The following ITGAV variants were observed in gnomAD, a reference collection of about 807,000 sequenced individuals.
The protein encoded by ITGAV is integrin subunit alpha V.
In ITGAV, 76 loss-of-function variants were observed where a neutral mutation model predicts 143.8. The ratio of observed to expected loss-of-function variants is 0.53; its 90% CI spans 0.44 to 0.64. The LOEUF (loss-of-function observed/expected upper bound fraction) is 0.64, where lower values mean the gene tolerates loss of function less well. Ranked by LOEUF, ITGAV falls within the 30% of genes least tolerant of loss-of-function variation. ITGAV has a pLI of 0.00. For synonymous variants in ITGAV, 453 were observed against 446.7 expected (o/e 1.01, Z -0.18); for missense variants, 1,193 against 1,274.7 (o/e 0.94, Z 0.98).
Position 186,590,381 on chromosome 2 carries a change from G to A in ITGAV, c.43G>A (p.Gly15Ser), listed in dbSNP as rs1275639587. 3.1e-6 allele frequency: 5 copies of A among 1,596,084 alleles called. No individual in the cohort carries two copies. The African/African-American group carries it at 5.5e-5, about 17-fold the overall frequency. The change falls in exon 1 of 30, where the codon GGC (glycine) becomes AGC (serine). Residue 15 changes from glycine (G) to serine (S), a missense_variant. Physicochemically the swap from Gly to Ser is moderately conservative, Grantham distance 56. Coordinates refer to ENST00000261023, the MANE Select transcript of ITGAV (RefSeq NM_002210.5). Reference protein sequence around the residue: ...PRRRLRLGPRGLPLLLSGLLL... With the variant: ...PRRRLRLGPRSLPLLLSGLLL... Reference sequence around the variant, plus strand: ...GCGACGGCTGCGCCTCGGTCCCCGCGGCCTCCCGCTTCTTCTCTCGGGACT... The same window carrying A: ...GCGACGGCTGCGCCTCGGTCCCCGCAGCCTCCCGCTTCTTCTCTCGGGACT...
chr2:186,677,995 C>CA lies in ITGAV; in HGVS notation c.*705dup, dbSNP rs2105758045. 6.6e-6 allele frequency: 1 copy of CA among 152,092 alleles called. No individual in the cohort carries two copies. Among genetic ancestry groups the CA allele is most frequent in the East Asian group, 1.9e-4 (1 of 5,186 alleles). 9.4% of individuals were successfully genotyped at this position (152,092 alleles called of 1,614,324 possible). A position where few individuals can be genotyped will look rare whatever the true frequency, so the allele number is the denominator to read the frequency against. On this transcript the variant is annotated 3_prime_UTR_variant, in exon 30 of 30. Coordinates refer to ENST00000261023, the MANE Select transcript of ITGAV (RefSeq NM_002210.5). ...AAATTTTAGGTCAAATCCTTCAAGCCAACCTATACTAAAAATTAGTTCCAT... is the reference window on the plus strand; with the variant it reads ...AAATTTTAGGTCAAATCCTTCAAGCCAAACCTATACTAAAAATTAGTTCCAT...
intron 26 of ITGAV, among the ~76,000 whole-genome samples, chr2:186,673,121 T>C (rs1024994635): frequency 6.6e-6 from 1 of 152,232 alleles, no homozygotes; most frequent in Non-Finnish European, 1.5e-5. Context: ...GGGTCCAGAT[T>C]GATTCTTTTG....
Position 186,659,120 on chromosome 2 carries a change from C to G in ITGAV, c.1802C>G (p.Thr601Arg), listed in dbSNP as rs1363988503. 1.2e-6 allele frequency: 2 copies of G among 1,612,710 alleles called. No homozygotes were observed. Among genetic ancestry groups the G allele is most frequent in the Non-Finnish European group, 8.5e-7 (1 of 1,179,032 alleles). Residue 601 changes from threonine (T) to arginine (R), a missense_variant, in exon 18 of 30, where the codon ACA becomes AGA. By Grantham distance (71) the Thr-to-Arg change is moderately conservative. Transcript: ENST00000261023. ...YRLDYRTAAD[T>R]TGLQPILNQF... ...TTGGATTATAGAACAGCTGCTGATA[C>G]AACAGGCTTGCAACCCATTCTTAAC...
chr2:186,615,061 T>C (rs1441935340), intron 2 of ITGAV, among the ~76,000 whole-genome samples: 1 of 152,122 alleles, frequency 6.6e-6, no homozygotes, highest in Admixed American at 6.5e-5. Flanking sequence ...TTTCTGTGTC[T>C]ACATATTTTT....
rs1688109205 is a variant in ITGAV at position 186,641,727 on chromosome 2, C to G, written c.1159+139C>G. 3 of 643,528 alleles carry G rather than the reference C, an allele frequency of 4.7e-6. No homozygotes were observed. The East Asian group carries it at 8.1e-5, about 17-fold the overall frequency. 39.9% of individuals were successfully genotyped at this position (643,528 alleles called of 1,614,324 possible). ...GATTGTGTGTAAGTGAGTAACACAC[C>G]AAATTTAAAGACAGTTTGCTATTTT... is the stretch of plus-strand genomic sequence containing the variant. On this transcript the variant is annotated intron_variant, in intron 12 of 29. Transcript: ENST00000261023.
Position 186,668,894 on chromosome 2 carries a change from A to G in ITGAV, c.2566A>G (p.Met856Val), listed in dbSNP as rs779007178. 41 of 1,611,776 alleles carry G rather than the reference A, an allele frequency of 2.5e-5. No homozygotes were observed. Among genetic ancestry groups the G allele is most frequent in the Non-Finnish European group, 3.3e-5 (39 of 1,179,128 alleles). ...TGGACCAATGAACTGCACTTCAGAT[A>G]TGGAGATCAACCCTTTGAGAATTAA... is the stretch of plus-strand genomic sequence containing the variant. ...IDGPMNCTSD[M>V]EINPLRIKIS... The change falls in exon 25 of 30, where the codon ATG becomes GTG. Residue 856 changes from methionine to valine, a missense_variant. By Grantham distance (21) the Met-to-Val change is conservative. Transcript: ENST00000261023.
rs367848976 is a variant in ITGAV, at chr2:186,599,111, G to C, written c.186-2910G>C. 2.6e-5 allele frequency among the ~76,000 whole-genome samples: 4 copies of C among 152,290 alleles called. No individual in the cohort carries two copies. The South Asian group carries it at 6.2e-4, about 24-fold the overall frequency. On this transcript the variant is annotated intron_variant, in intron 1 of 29. Transcript: ENST00000261023. ...AAAAAGGTGAAAAGCAATTGTAAAT[G>C]TTTCCTTTGCCAGAATAATTTAAGT...
chr2:186,618,577 A>G lies in ITGAV; in HGVS notation c.317-3762A>G, dbSNP rs1477971381. Among the ~76,000 whole-genome samples, 10 of 152,374 alleles carry G rather than the reference A, an allele frequency of 6.6e-5. No individual in the cohort carries two copies. The East Asian group carries it at 1.9e-3, about 29-fold the overall frequency. Reference sequence around the variant, plus strand: ...ATGCTGCTTGACAGTGCCCAGCAGCATGTTGTGCCACCGTATACAAATTTA... The same window carrying G: ...ATGCTGCTTGACAGTGCCCAGCAGCGTGTTGTGCCACCGTATACAAATTTA... On this transcript the variant is annotated intron_variant, in intron 2 of 29. Coordinates refer to ENST00000261023, the MANE Select transcript of ITGAV (RefSeq NM_002210.5).
At position 186,590,327 on chromosome 2, in the gene ITGAV, C is replaced by A. The variant is rs375234036; in HGVS notation, c.-12C>A. 7.0e-6 allele frequency: 11 copies of A among 1,564,894 alleles called. No homozygotes were observed. The highest frequency in any genetic ancestry group is 8.6e-6 in the Non-Finnish European group (10 of 1,159,178). ...ACCGCTCCCGGCTTGGCGTCCCGCGCGCACTTCGGCGATGGCTTTTCCGCC... is the reference window on the plus strand; with the variant it reads ...ACCGCTCCCGGCTTGGCGTCCCGCGAGCACTTCGGCGATGGCTTTTCCGCC... On this transcript the variant is annotated 5_prime_UTR_variant, in exon 1 of 30. Coordinates refer to ENST00000261023, the MANE Select transcript of ITGAV (RefSeq NM_002210.5).
chr2:186,629,038 T>C (rs916726427), intron 4 of ITGAV, among the ~76,000 whole-genome samples: 2 of 152,120 alleles, frequency 1.3e-5, no homozygotes, highest in African/African-American at 4.8e-5. Flanking sequence ...GTTAATGTCA[T>C]GTAAAATGCT....
chr2:186,638,188 A>C, intron 8 of ITGAV, 89 bp from the exon 9 acceptor site: 1 of 1,162,968 alleles, frequency 8.6e-7, no homozygotes, highest in Non-Finnish European at 1.3e-6. Context: ...AAGTAGTAAA[A>C]CTTAAAGCTT....
At chr2:186,665,605 CAG>C (rs1688875174) in intron 21 of ITGAV, among the ~76,000 whole-genome samples, 1 of 152,196 alleles carries the variant, frequency 6.6e-6, no homozygotes, top group South Asian at 2.1e-4. Context: ...AGGCCCCACA[CAG>C]AGGATCAAAG....
At chr2:186,646,664 C>G (rs749154476) in intron 12 of ITGAV, 22 bp from the exon 13 acceptor site, 1 of 1,549,774 alleles carries the variant, frequency 6.5e-7, no homozygotes, top group Admixed American at 1.8e-5. Flanking sequence ...TCTCCTTCCC[C>G]CTCCTCTTTT....
chr2:186,667,266 A>T lies in ITGAV; in HGVS notation c.2327+36A>T, dbSNP rs1407539640. The T allele has an allele frequency of 2.0e-6, 3 of 1,468,544 alleles. No individual in the cohort carries two copies. The Admixed American group carries it at 5.2e-5, about 25-fold the overall frequency. The allele number at this position is 1,468,544 out of a possible 1,614,324, so 91.0% of individuals were successfully genotyped here. A position where few individuals can be genotyped will look rare whatever the true frequency, so the allele number is the denominator to read the frequency against. On this transcript the variant is annotated intron_variant, in intron 23 of 29. Coordinates refer to ENST00000261023, the MANE Select transcript of ITGAV (RefSeq NM_002210.5). ...ATACTTAGTTGAGTATCTCATTCTCATGATTGCTTTTTAAAGGTAACTGTC... is the reference window on the plus strand; with the variant it reads ...ATACTTAGTTGAGTATCTCATTCTCTTGATTGCTTTTTAAAGGTAACTGTC...
In ITGAV at chr2:186,667,146, TCAGCTCAAATCTA is replaced by T. The variant is rs1574501318; in HGVS notation, c.2247-3_2256del. 5 of 1,599,780 alleles carry T rather than the reference TCAGCTCAAATCTA, an allele frequency of 3.1e-6. No homozygotes were observed. Among genetic ancestry groups the T allele is most frequent in the African/African-American group, 1.4e-5 (1 of 74,032 alleles). Reference sequence around the variant, plus strand: ...ATTTTTAAGTTTTTTTTTTTCTTTTTCAGCTCAAATCTATTTGACAAAGTAAGCCCAGTTGTAT... The same window carrying T: ...ATTTTTAAGTTTTTTTTTTTCTTTTTTTTGACAAAGTAAGCCCAGTTGTAT... On this transcript the variant is annotated splice_acceptor_variant and splice_polypyrimidine_tract_variant and coding_sequence_variant and intron_variant, in exon 23 of 30. Coordinates refer to ENST00000261023, the MANE Select transcript of ITGAV (RefSeq NM_002210.5). LOFTEE classifies it high-confidence loss of function.
chr2:186,660,114 T>C (rs1559064268), intron 18 of ITGAV, among the ~76,000 whole-genome samples: 1 of 152,266 alleles, frequency 6.6e-6, no homozygotes, highest in East Asian at 1.9e-4. Flanking sequence ...CTTTATATTA[T>C]GTGCTTTCAT....
intron 1 of ITGAV, chr2:186,600,299 C>A: frequency 6.6e-7 from 1 of 1,523,024 alleles, no homozygotes; most frequent in Non-Finnish European, 8.9e-7. Flanking sequence ...CTTCCCTCAT[C>A]CCCACCCCCC....
At chr2:186,630,342 C>T (rs1357493670) in intron 4 of ITGAV, among the ~76,000 whole-genome samples, 1 of 147,822 alleles carries the variant, frequency 6.8e-6, no homozygotes, top group Admixed American at 6.8e-5. Flanking sequence ...TGTAGTGGGT[C>T]AAAACCACTA....
In ITGAV at chr2:186,676,895, G is replaced by A; in HGVS notation, c.3011G>A (p.Gly1004Glu). ...GTGATCATTTTAGCAGTTCTAGCAG[G>A]ATTGTTGCTACTGGCTGTTTTGGTA... ...VWVIILAVLA[G>E]LLLLAVLVFV... The change falls in exon 29 of 30, where the codon GGA becomes GAA. Residue 1004 changes from glycine to glutamate, a missense_variant. Physicochemically the swap from Gly to Glu is moderately conservative, Grantham distance 98. Transcript: ENST00000261023. 1 of 1,614,010 alleles carries A rather than the reference G, an allele frequency of 6.2e-7. No individual in the cohort carries two copies. The highest frequency in any genetic ancestry group is 8.5e-7 in the Non-Finnish European group (1 of 1,179,976).
Sources: gnomAD v4.1 joint callset for allele counts (sites outside exome capture counted in the v4.1 genomes callset) on GRCh38, gnomAD v4.1.1 for gene constraint, MANE v1.5 for transcripts, NCBI Gene and HGNC (gene_info 2026-07-23, HGNC 2026-07-21) for gene names.